DTD1: variants seen among roughly 807,000 people sequenced by gnomAD.
DTD1 encodes the protein D-aminoacyl-tRNA deacylase 1, also known as D-tyrosyl-tRNA deacylase 1 homolog.
A neutral mutation model predicts 25.6 loss-of-function variants in DTD1; 13 were observed. The ratio of observed to expected loss-of-function variants is 0.51; its 90% CI spans 0.33 to 0.81. The LOEUF (loss-of-function observed/expected upper bound fraction) is 0.81, where lower values mean the gene tolerates loss of function less well. Among genes scored for constraint, DTD1 ranks in the 30% least tolerant of loss-of-function variants. DTD1 has a pLI of 0.02. For missense variants in DTD1, 193 were observed against 266.4 expected, an observed-to-expected ratio of 0.72 and a Z score of 1.92; for synonymous variants, 110 against 103.6, an observed-to-expected ratio of 1.06 and a Z score of -0.37.
chr20:18,634,378 G>A (rs1193492090), intron 4 of DTD1, among the ~76,000 whole-genome samples: 3 of 152,160 alleles, frequency 2.0e-5, no homozygotes, highest in Non-Finnish European at 2.9e-5. Context: ...AGTTCATAGT[G>A]TTGCCATTAA....
intron 4 of DTD1, among the ~76,000 whole-genome samples, chr20:18,709,736 TA>T (rs1237721213): frequency 6.6e-6 from 1 of 152,180 alleles, no homozygotes; most frequent in Admixed American, 6.5e-5. Flanking sequence ...GTACTTGGTA[TA>T]AAACTTCTCC....
chr20:18,595,974 C>G lies in DTD1; in HGVS notation c.135-32C>G, dbSNP rs766955834. 7.5e-6 allele frequency: 12 copies of G among 1,593,652 alleles called. No homozygotes were observed. The South Asian group carries it at 1.3e-4, about 18-fold the overall frequency. ...GTGTGTTGGGGGGCTTGTGATCTCTCAGGTAGCTCTCACTGCTCTTTTTCC... is the reference window on the plus strand; with the variant it reads ...GTGTGTTGGGGGGCTTGTGATCTCTGAGGTAGCTCTCACTGCTCTTTTTCC... On this transcript the variant is annotated intron_variant, in intron 2 of 5. Coordinates refer to ENST00000377452, the MANE Select transcript of DTD1 (RefSeq NM_080820.6).
chr20:18,625,949 A>G (rs2060755763), intron 3 of DTD1, among the ~76,000 whole-genome samples: 1 of 152,256 alleles, frequency 6.6e-6, no homozygotes, highest in South Asian at 2.1e-4. Context: ...ACACAGGGCC[A>G]GCTCTGGAGA....
At chr20:18,682,683 A>G (rs573388937) in intron 4 of DTD1, among the ~76,000 whole-genome samples, 3 of 152,264 alleles carry the variant, frequency 2.0e-5, no homozygotes, top group South Asian at 4.1e-4. Flanking sequence ...ACTCATCTCT[A>G]CCTTGCCATA....
At chr20:18,744,038 G>A in intron 4 of DTD1, 62 bp from the exon 5 acceptor site, 1 of 1,516,570 alleles carries the variant, frequency 6.6e-7, no homozygotes, top group Non-Finnish European at 8.8e-7. Flanking sequence ...TCACTGGTGT[G>A]TGGGATACAC....
At chr20:18,717,775 A>G (rs974792044) in intron 4 of DTD1, among the ~76,000 whole-genome samples, 1 of 152,198 alleles carries the variant, frequency 6.6e-6, no homozygotes, top group African/African-American at 2.4e-5. Flanking sequence ...GTCCCCTCAG[A>G]AAACTTAGAG....
intron 4 of DTD1, among the ~76,000 whole-genome samples, chr20:18,664,664 T>C (rs2060924679): frequency 6.6e-6 from 1 of 152,216 alleles, no homozygotes; most frequent in Admixed American, 6.5e-5. Flanking sequence ...GCACTTTGTA[T>C]GTTGACTTCA....
chr20:18,599,066 C>T (rs2060623186), intron 3 of DTD1, among the ~76,000 whole-genome samples: 1 of 152,124 alleles, frequency 6.6e-6, no homozygotes, highest in Admixed American at 6.6e-5. Context: ...GTTCTATAGT[C>T]TGGAGATACC....
intron 4 of DTD1, among the ~76,000 whole-genome samples, chr20:18,721,954 C>T (rs536421741): frequency 3.9e-5 from 6 of 152,262 alleles, no homozygotes; most frequent in East Asian, 1.9e-4. Flanking sequence ...CTCTTCAGGC[C>T]GCTCCCCAGA....
chr20:18,612,808 G>A (rs755025257), intron 3 of DTD1, among the ~76,000 whole-genome samples: 9 of 152,020 alleles, frequency 5.9e-5, no homozygotes, highest in Non-Finnish European at 1.0e-4. Context: ...ATAGGCGCCT[G>A]CCACCACACC....
intron 4 of DTD1, among the ~76,000 whole-genome samples, chr20:18,634,155 T>C (rs2060798727): frequency 6.6e-6 from 1 of 152,220 alleles, no homozygotes; most frequent in African/African-American, 2.4e-5. Flanking sequence ...AGCTCTTCCA[T>C]TGGTGGCTAG....
chr20:18,751,425 A>G (rs772575160), intron 5 of DTD1, among the ~76,000 whole-genome samples: 9 of 152,166 alleles, frequency 5.9e-5, no homozygotes, highest in Admixed American at 3.3e-4. Flanking sequence ...TGACATTGCT[A>G]TCATTCATTT....
intron 5 of DTD1, among the ~76,000 whole-genome samples, chr20:18,755,343 A>G (rs954369701): frequency 3.5e-4 from 53 of 152,342 alleles, no homozygotes; most frequent in Admixed American, 6.5e-4. Flanking sequence ...ATATGTATAC[A>G]TGTGCCATGT....
At chr20:18,598,504 T>TG (rs2060620797) in intron 3 of DTD1, among the ~76,000 whole-genome samples, 1 of 138,144 alleles carries the variant, frequency 7.2e-6, no homozygotes, top group African/African-American at 2.7e-5. Context: ...GTAACAGTAA[T>TG]TTTTTTTTTT....
chr20:18,591,345 C>T (rs535701321), intron 1 of DTD1, among the ~76,000 whole-genome samples: 34 of 152,068 alleles, frequency 2.2e-4, no homozygotes, highest in African/African-American at 5.8e-4. Flanking sequence ...CTTTAGTGTA[C>T]GAAGATTTTC....
rs114964052 is a variant in DTD1, at chr20:18,693,613, C to T, written c.478-50487C>T. Among the ~76,000 whole-genome samples, 531 of 150,282 alleles carry T rather than the reference C, an allele frequency of 3.5e-3. 2 individuals are homozygous for T. The highest frequency in any genetic ancestry group is 0.012 in the African/African-American group (481 of 40,638). On this transcript the variant is annotated intron_variant, in intron 4 of 5. Transcript: ENST00000377452. The stretch of plus-strand genomic sequence containing the variant: ...CGGAGGTTGCAGCTAGCCAAGGTTG[C>T]GCCATTGCACTGCAGCCTGGGTGAC...
At chr20:18,633,487 C>G (rs2060796312) in intron 4 of DTD1, among the ~76,000 whole-genome samples, 1 of 152,180 alleles carries the variant, frequency 6.6e-6, no homozygotes, top group Non-Finnish European at 1.5e-5. Flanking sequence ...AAAACTCAAG[C>G]TCCCTGAGTG....
chr20:18,714,887 C>G (rs928509045), intron 4 of DTD1, among the ~76,000 whole-genome samples: 1 of 152,194 alleles, frequency 6.6e-6, no homozygotes, highest in African/African-American at 2.4e-5. Flanking sequence ...ACACTCCTGC[C>G]CCTTCAGCCA....
intron 4 of DTD1, among the ~76,000 whole-genome samples, chr20:18,649,747 C>T (rs1021702339): frequency 1.2e-4 from 18 of 152,162 alleles, no homozygotes. Context: ...AGTTGAGTGT[C>T]GCTGAACCCC....
Sources: allele counts gnomAD v4.1 joint callset (sites outside exome capture counted in the v4.1 genomes callset), GRCh38; gene constraint gnomAD v4.1.1; transcripts MANE v1.5; gene names NCBI Gene and HGNC (gene_info 2026-07-23, HGNC 2026-07-21).